Variants in C2orf76 observed in about 807,000 individuals in gnomAD.
The protein encoded by C2orf76 is UPF0538 protein C2orf76.
A neutral mutation model predicts 16.9 loss-of-function variants in C2orf76; 23 were observed. The observed-to-expected ratio is 1.36, with a 90% CI of 0.98 to 1.93. The LOEUF (loss-of-function observed/expected upper bound fraction) is 1.93. Among genes scored for constraint, C2orf76 ranks in the 30% most tolerant of loss-of-function variants. The probability of loss-of-function intolerance (pLI) is 0.00; values close to 1 mark genes in which losing one functional copy is unlikely to be tolerated. For missense variants in C2orf76, 152 were observed against 152.6 expected (o/e 1.00, Z 0.02); for synonymous variants, 48 against 52.3 (o/e 0.92, Z 0.35).
chr2:119,296,139 G>T, the C2orf76 span, among the ~76,000 whole-genome samples: 659 of 152,302 alleles, frequency 4.3e-3, 4 homozygotes, highest in African/African-American at 0.015. Context: ...ATAAATGCTA[G>T]AAGTGCAGAG....
the C2orf76 span, among the ~76,000 whole-genome samples, chr2:119,295,099 G>A: frequency 6.6e-6 from 1 of 152,126 alleles, no homozygotes; most frequent in Admixed American, 6.5e-5. Context: ...TAATGACTAC[G>A]GCAAAGGTGT....
At chr2:119,282,341 T>C in the C2orf76 span, among the ~76,000 whole-genome samples, 4 of 152,202 alleles carry the variant, frequency 2.6e-5, no homozygotes, top group Admixed American at 6.5e-5. Context: ...CTGCTGTTCA[T>C]GGCGCTGCCA....
chr2:119,304,887 G>A (rs940979769), intron 5 of C2orf76, among the ~76,000 whole-genome samples: 2 of 152,124 alleles, frequency 1.3e-5, no homozygotes, highest in African/African-American at 4.8e-5. Flanking sequence ...GATTTTTAAG[G>A]TTTCTACATC....
At chr2:119,281,924 T>TC in the C2orf76 span, among the ~76,000 whole-genome samples, 1 of 151,846 alleles carries the variant, frequency 6.6e-6, no homozygotes, top group Non-Finnish European at 1.5e-5. Flanking sequence ...CCCTCAACCA[T>TC]CCCCAGGCCC....
At chr2:119,306,846 AG>A in intron 5 of C2orf76, among the ~76,000 whole-genome samples, 1 of 152,324 alleles carries the variant, frequency 6.6e-6, no homozygotes, top group African/African-American at 2.4e-5. Context: ...GCAGATAAAA[AG>A]CCAAAGGATG....
chr2:119,341,754 T>C (rs1680038412), intron 1 of C2orf76, among the ~76,000 whole-genome samples: 1 of 152,144 alleles, frequency 6.6e-6, no homozygotes, highest in African/African-American at 2.4e-5. Flanking sequence ...GTAATACTGA[T>C]AAATGTAAGG....
chr2:119,358,197 T>A (rs185010494), intron 1 of C2orf76, among the ~76,000 whole-genome samples: 21 of 152,342 alleles, frequency 1.4e-4, no homozygotes, highest in African/African-American at 5.0e-4. Context: ...ATAGGTTGAA[T>A]GCTAGGCCCC....
chr2:119,341,758 T>C (rs73948663), intron 1 of C2orf76, among the ~76,000 whole-genome samples: 1,531 of 152,224 alleles, frequency 0.01, 29 homozygotes, highest in African/African-American at 0.033. Flanking sequence ...TACTGATAAA[T>C]GTAAGGAAAG....
At chr2:119,296,029 T>C in the C2orf76 span, among the ~76,000 whole-genome samples, 1 of 152,150 alleles carries the variant, frequency 6.6e-6, no homozygotes, top group Admixed American at 6.5e-5. Context: ...AAATGCACAT[T>C]TGGGGATGGG....
intron 1 of C2orf76, among the ~76,000 whole-genome samples, chr2:119,348,496 G>A (rs1680276742): frequency 6.6e-6 from 1 of 152,160 alleles, no homozygotes; most frequent in Non-Finnish European, 1.5e-5. Context: ...AGACCAGCCT[G>A]ACCAACATGG....
At chr2:119,334,798 C>T (rs1238996424) in intron 2 of C2orf76, among the ~76,000 whole-genome samples, 13 of 152,004 alleles carry the variant, frequency 8.6e-5, no homozygotes, top group Middle Eastern at 3.4e-3. Flanking sequence ...ACAAATGCTA[C>T]AACAACCTTA....
the C2orf76 span, among the ~76,000 whole-genome samples, chr2:119,292,894 G>A: frequency 6.6e-6 from 1 of 150,846 alleles, no homozygotes; most frequent in African/African-American, 2.4e-5. Flanking sequence ...AATTAGCTGG[G>A]TGTGGTGGCA....
In C2orf76 at chr2:119,345,789, C is replaced by T. The variant is rs192713132; in HGVS notation, c.-12-5818G>A. ...AAAAGAATAAAATTTTGGCCAGGTG[C>T]GGTGGCTCACGCCTGTAATCCCAGC... is the stretch of plus-strand genomic sequence containing the variant. On this transcript the variant is annotated intron_variant, in intron 1 of 5. Coordinates refer to ENST00000334816, the MANE Select transcript of C2orf76 (RefSeq NM_001322331.2). Among the ~76,000 whole-genome samples, 42 of 151,716 alleles carry T rather than the reference C, an allele frequency of 2.8e-4. No homozygotes were observed. The East Asian group carries it at 6.9e-3, about 25-fold the overall frequency.
downstream of C2orf76, among the ~76,000 whole-genome samples, chr2:119,301,723 G>GA (rs571623948): frequency 1.5e-4 from 23 of 152,266 alleles, no homozygotes; most frequent in South Asian, 2.5e-3. Context: ...TATTTAGAAG[G>GA]AATGTATCTT....
intron 1 of C2orf76, among the ~76,000 whole-genome samples, chr2:119,351,996 G>A (rs577824829): frequency 1.3e-5 from 2 of 152,274 alleles, no homozygotes; most frequent in East Asian, 1.9e-4. Context: ...TATGGTATTC[G>A]AAGAAAGCAT....
chr2:119,366,848 C>A, upstream of C2orf76: 1 of 663,162 alleles, frequency 1.5e-6, no homozygotes, highest in Non-Finnish European at 2.5e-6. Context: ...CCCACGTGGG[C>A]TCGGGCGGGG....
chr2:119,303,588 C>T (rs937808123), intron 5 of C2orf76, among the ~76,000 whole-genome samples: 10 of 152,200 alleles, frequency 6.6e-5, no homozygotes, highest in Admixed American at 5.9e-4. Context: ...GATTACCACT[C>T]GTCTCTTAGT....
At chr2:119,334,379 CAAAAAAAAA>C (rs34753333) in intron 2 of C2orf76, among the ~76,000 whole-genome samples, 1 of 71,626 alleles carries the variant, frequency 1.4e-5, no homozygotes, top group Non-Finnish European at 2.5e-5. Flanking sequence ...GTATGCAAAG[CAAAAAAAAA>C]AAAAAAAAAA....
intron 1 of C2orf76, among the ~76,000 whole-genome samples, chr2:119,359,957 T>C (rs1317213876): frequency 6.6e-6 from 1 of 152,220 alleles, no homozygotes; most frequent in Non-Finnish European, 1.5e-5. Context: ...CAGCATCTCA[T>C]GTTACAGAGA....
Sources: allele counts gnomAD v4.1 joint callset (sites outside exome capture counted in the v4.1 genomes callset), GRCh38; gene constraint gnomAD v4.1.1; transcripts MANE v1.5; gene names NCBI Gene and HGNC (gene_info 2026-07-23, HGNC 2026-07-21).